The following MCOLN2 variants were observed in gnomAD, a reference collection of about 807,000 sequenced individuals.
MCOLN2 encodes mucolipin TRP cation channel 2, also known as mucolipin-2.
In MCOLN2, 57 loss-of-function variants were observed where a neutral mutation model predicts 67.5. That is an observed-to-expected ratio of 0.84 (90% CI 0.68 to 1.05). The LOEUF (loss-of-function observed/expected upper bound fraction) is 1.05. Ranked by LOEUF, MCOLN2 falls within the 50% of genes least tolerant of loss-of-function variation. The pLI is 0.00. For synonymous variants in MCOLN2, 246 were observed against 233.3 expected (o/e 1.05, Z -0.50); for missense variants, 620 against 678.8 (o/e 0.91, Z 0.96).
At chr1:84,946,179 T>C (rs1648093353) in intron 7 of MCOLN2, among the ~76,000 whole-genome samples, 1 of 152,222 alleles carries the variant, frequency 6.6e-6, no homozygotes, top group Non-Finnish European at 1.5e-5. Context: ...AAGGCTCAGA[T>C]CAAAGCATAC....
intron 4 of MCOLN2, among the ~76,000 whole-genome samples, chr1:84,955,140 C>T (rs1648716256): frequency 6.6e-6 from 1 of 152,176 alleles, no homozygotes; most frequent in South Asian, 2.1e-4. Flanking sequence ...CTTTGCTCTG[C>T]ACTTCTCCTT....
intron 2 of MCOLN2, among the ~76,000 whole-genome samples, chr1:84,963,257 C>T (rs1006338495): frequency 6.6e-6 from 1 of 152,136 alleles, no homozygotes; most frequent in Admixed American, 6.5e-5. Context: ...TTTATTGTGC[C>T]TAGGACATGG....
At chr1:84,982,323 G>A (rs1650299392) in intron 1 of MCOLN2, among the ~76,000 whole-genome samples, 1 of 152,112 alleles carries the variant, frequency 6.6e-6, no homozygotes, top group South Asian at 2.1e-4. Context: ...AAAAAATAGA[G>A]ATGGGGTCTC....
chr1:84,975,418 C>G (rs1187283833), intron 1 of MCOLN2, among the ~76,000 whole-genome samples: 1 of 152,192 alleles, frequency 6.6e-6, no homozygotes, highest in Non-Finnish European at 1.5e-5. Flanking sequence ...AAGAATTCTT[C>G]TAGATCTTGT....
intron 4 of MCOLN2, among the ~76,000 whole-genome samples, chr1:84,953,816 G>A (rs527565892): frequency 4.1e-4 from 62 of 152,204 alleles, no homozygotes; most frequent in Non-Finnish European, 6.9e-4. Flanking sequence ...GAAACAAGGA[G>A]CTCTAAAGAC....
rs557428169 is a variant in MCOLN2 at position 84,984,085 on chromosome 1, A to G, written c.77+12711T>C. Among the ~76,000 whole-genome samples, 5 of 152,328 alleles carry G rather than the reference A, an allele frequency of 3.3e-5. No individual in the cohort carries two copies. The East Asian group carries it at 9.6e-4, about 29-fold the overall frequency. On this transcript the variant is annotated intron_variant, in intron 1 of 13. Coordinates refer to ENST00000370608, the MANE Select transcript of MCOLN2 (RefSeq NM_153259.4). ...ATTTAGCTCTTATATCTGCTCCCCA[A>G]CATACATTTCACCTCCCTACTCATC...
At chr1:84,963,107 G>A (rs1480110913) in intron 2 of MCOLN2, among the ~76,000 whole-genome samples, 1 of 152,158 alleles carries the variant, frequency 6.6e-6, no homozygotes, top group Non-Finnish European at 1.5e-5. Flanking sequence ...TCCCAGTTCT[G>A]TCACTTACTA....
At chr1:84,938,131 C>T (rs756242853) in intron 9 of MCOLN2, 49 bp from the exon 10 acceptor site, 5 of 1,367,648 alleles carry the variant, frequency 3.7e-6, no homozygotes, top group Non-Finnish European at 5.1e-6. Flanking sequence ...ATATTTGACT[C>T]CACTTAGCTT....
intron 11 of MCOLN2, among the ~76,000 whole-genome samples, chr1:84,935,263 C>T (rs1034649248): frequency 1.3e-5 from 2 of 152,198 alleles, no homozygotes; most frequent in African/African-American, 2.4e-5. Context: ...GTTCTCTCCC[C>T]CAACTGACTT....
chr1:84,996,490 A>G lies in MCOLN2; in HGVS notation c.77+306T>C, dbSNP rs192033573. ...TGTTTGTACTCACAACTTTGGCTCA[A>G]CTGTGCTGGGGTGGCTGGAGGTTTG... On this transcript the variant is annotated intron_variant, in intron 1 of 13. Transcript: ENST00000370608. Among the ~76,000 whole-genome samples, 5 of 149,802 alleles carry G rather than the reference A, an allele frequency of 3.3e-5. No individual in the cohort carries two copies. In the East Asian group the frequency reaches 9.7e-4, roughly 29 times the overall value.
At chr1:84,944,387 G>T (rs1220657927) in intron 7 of MCOLN2, among the ~76,000 whole-genome samples, 1 of 152,096 alleles carries the variant, frequency 6.6e-6, no homozygotes, top group East Asian at 1.9e-4. Flanking sequence ...ACAAAAAATA[G>T]TCGGGCGTGG....
At chr1:84,977,094 G>C (rs1650024869) in intron 1 of MCOLN2, among the ~76,000 whole-genome samples, 2 of 151,822 alleles carry the variant, frequency 1.3e-5, no homozygotes, top group Admixed American at 1.3e-4. Flanking sequence ...TTAATAGTTG[G>C]GGAGACGATG....
intron 11 of MCOLN2, among the ~76,000 whole-genome samples, chr1:84,931,978 T>G (rs1031301827): frequency 6.6e-6 from 1 of 151,960 alleles, no homozygotes; most frequent in African/African-American, 2.4e-5. Flanking sequence ...GAGCCAAGCT[T>G]CTGCCACTGC....
intron 1 of MCOLN2, among the ~76,000 whole-genome samples, chr1:84,990,394 C>G (rs970902734): frequency 7.0e-6 from 1 of 143,858 alleles, no homozygotes; most frequent in Admixed American, 7.0e-5. Context: ...ACATATGTAA[C>G]TAACTTGCAC....
At chr1:84,969,122 T>C (rs1649530302) in intron 1 of MCOLN2, among the ~76,000 whole-genome samples, 1 of 152,232 alleles carries the variant, frequency 6.6e-6, no homozygotes, top group Non-Finnish European at 1.5e-5. Flanking sequence ...TCCTTCCCCA[T>C]AGCTTACCTC....
chr1:84,956,608 A>T (rs1251111259), intron 3 of MCOLN2, 24 bp from the exon 4 acceptor site: 1 of 1,560,710 alleles, frequency 6.4e-7, no homozygotes, highest in East Asian at 2.3e-5. Flanking sequence ...GTCAAGTAAA[A>T]ACCACATATG....
chr1:84,938,848 G>A (rs1181491741), intron 9 of MCOLN2, among the ~76,000 whole-genome samples: 2 of 152,164 alleles, frequency 1.3e-5, no homozygotes, highest in Non-Finnish European at 2.9e-5. Context: ...TAGAAAGGAT[G>A]GTAACAGCTG....
At chr1:84,947,306 C>CCACA (rs59818609) in intron 6 of MCOLN2, among the ~76,000 whole-genome samples, 174 bp from the exon 7 acceptor site, 10,938 of 141,074 alleles carry the variant, frequency 0.078, 577 homozygotes, top group African/African-American at 0.17. Flanking sequence ...GCACCCCCCA[C>CCACA]CACACACACA....
At position 84,952,285 on chromosome 1, in the gene MCOLN2, A is replaced by C. The variant is rs1248856450; in HGVS notation, c.705T>G (p.Ile235Met). 2 of 1,613,646 alleles carry C rather than the reference A, an allele frequency of 1.2e-6. No homozygotes were observed. Among genetic ancestry groups the C allele is most frequent in the Non-Finnish European group, 1.7e-6 (2 of 1,179,826 alleles). The part of the protein sequence containing the change: ...FHLKGIDLQT[I>M]HSRELPDCYV... ...AACAGTCTGGTAACTCACGGGAATGAATTGTCTGTAGGTCAATGCCTTTAA... is the reference window on the plus strand; with the variant it reads ...AACAGTCTGGTAACTCACGGGAATGCATTGTCTGTAGGTCAATGCCTTTAA... The change falls in exon 6 of 14, where the codon ATT becomes ATG. Residue 235 changes from isoleucine (I) to methionine (M), a missense_variant. Physicochemically the swap from Ile to Met is conservative, Grantham distance 10. Transcript: ENST00000370608.
Sources: allele counts gnomAD v4.1 joint callset (sites outside exome capture counted in the v4.1 genomes callset), GRCh38; gene constraint gnomAD v4.1.1; transcripts MANE v1.5; gene names NCBI Gene and HGNC (gene_info 2026-07-23, HGNC 2026-07-21).